Variants in EIF4G3 observed in about 807,000 individuals in gnomAD.
The protein encoded by EIF4G3 is eIF-4-gamma 3.
A neutral mutation model predicts 186.4 loss-of-function variants in EIF4G3; 34 were observed. That is an observed-to-expected ratio of 0.18 (90% CI 0.14 to 0.24). The LOEUF is 0.24. Among genes scored for constraint, EIF4G3 ranks in the 10% least tolerant of loss-of-function variants. The probability of loss-of-function intolerance (pLI) is 1.00; values close to 1 mark genes in which losing one functional copy is unlikely to be tolerated. For missense variants in EIF4G3, 1,536 were observed against 1,948.5 expected (o/e 0.79, Z 3.99); for synonymous variants, 673 against 679.5 (o/e 0.99, Z 0.15).
intron 14 of EIF4G3, among the ~76,000 whole-genome samples, chr1:20,918,063 T>C: frequency 6.6e-6 from 1 of 152,170 alleles, no homozygotes; most frequent in Non-Finnish European, 1.5e-5. Context: ...TAATGACAAA[T>C]GTGTCCACTT....
At chr1:21,076,702 C>T (rs1266062809) in intron 3 of EIF4G3, among the ~76,000 whole-genome samples, 4 of 152,028 alleles carry the variant, frequency 2.6e-5, no homozygotes, top group Non-Finnish European at 4.4e-5. Context: ...AGGACAGTCT[C>T]CTCAATCAAC....
intron 12 of EIF4G3, among the ~76,000 whole-genome samples, chr1:20,960,531 C>T (rs185064968): frequency 3.0e-4 from 46 of 152,094 alleles, no homozygotes; most frequent in African/African-American, 9.4e-4. Context: ...GCAGGATTAT[C>T]GCTTGAATTC....
At position 20,840,780 on chromosome 1, in the gene EIF4G3, A is replaced by G. The variant is rs878971306; in HGVS notation, c.4061+76T>C. On this transcript the variant is annotated intron_variant, in intron 30 of 36. Coordinates refer to ENST00000602326, the MANE Select transcript of EIF4G3 (RefSeq NM_001391906.1). The stretch of plus-strand genomic sequence containing the variant: ...TCTATGGAAAAAACTAAATACTTAA[A>G]GAGGTAAGTACTTTGAAAATTAACT... 3.0e-5 allele frequency: 40 copies of G among 1,345,914 alleles called. No homozygotes were observed. In the South Asian group the frequency reaches 5.2e-4, roughly 18 times the overall value. 83.4% of individuals were successfully genotyped at this position (1,345,914 alleles called of 1,614,324 possible).
At chr1:20,894,876 T>C (rs962693850) in intron 17 of EIF4G3, among the ~76,000 whole-genome samples, 11 of 152,156 alleles carry the variant, frequency 7.2e-5, no homozygotes, top group African/African-American at 2.4e-4. Context: ...TTGCACAAGA[T>C]TGGAGAATTC....
chr1:20,824,534 A>G (rs938917762), intron 33 of EIF4G3, among the ~76,000 whole-genome samples: 3 of 152,048 alleles, frequency 2.0e-5, no homozygotes, highest in Non-Finnish European at 4.4e-5. Flanking sequence ...GGTTACCTCA[A>G]CCTAACAGCC....
intron 33 of EIF4G3, among the ~76,000 whole-genome samples, chr1:20,823,105 C>G (rs1382781478): frequency 6.6e-6 from 1 of 151,962 alleles, no homozygotes; most frequent in Non-Finnish European, 1.5e-5. Flanking sequence ...AATCTTTCAT[C>G]TGTCTTTGGT....
chr1:21,007,531 A>AAC (rs1557470110), intron 4 of EIF4G3, among the ~76,000 whole-genome samples: 1 of 143,864 alleles, frequency 7.0e-6, no homozygotes, highest in Non-Finnish European at 1.5e-5. Flanking sequence ...AAAAAAAAAA[A>AAC]AAAAAACACA....
chr1:20,824,712 T>C (rs2063178460), intron 33 of EIF4G3, among the ~76,000 whole-genome samples: 1 of 152,174 alleles, frequency 6.6e-6, no homozygotes, highest in Admixed American at 6.5e-5. Context: ...TATAAGCTTG[T>C]CTCTAATCTT....
At chr1:20,844,075 A>G (rs1414976481) in intron 29 of EIF4G3, among the ~76,000 whole-genome samples, 1 of 152,136 alleles carries the variant, frequency 6.6e-6, no homozygotes, top group Non-Finnish European at 1.5e-5. Flanking sequence ...ATTTAGGTTG[A>G]TTGCATGTTT....
chr1:20,830,174 A>G (rs4654874), intron 30 of EIF4G3, among the ~76,000 whole-genome samples: 78,226 of 152,050 alleles, frequency 0.51, 21,008 homozygotes, highest in East Asian at 0.83. Context: ...GATCTCTACA[A>G]TTGTAAAACG....
At chr1:20,948,692 G>A (rs1188633299) in intron 13 of EIF4G3, among the ~76,000 whole-genome samples, 1 of 151,906 alleles carries the variant, frequency 6.6e-6, no homozygotes, top group Non-Finnish European at 1.5e-5. Context: ...TATTTTATGG[G>A]CCATTCCTAA....
intron 14 of EIF4G3, among the ~76,000 whole-genome samples, chr1:20,935,991 T>A (rs2095505619): frequency 1.3e-5 from 2 of 152,184 alleles, no homozygotes; most frequent in South Asian, 4.1e-4. Flanking sequence ...TAGAACTAAG[T>A]TAATACCCAA....
At chr1:20,847,151 A>G (rs1267497767) in intron 29 of EIF4G3, among the ~76,000 whole-genome samples, 1 of 152,138 alleles carries the variant, frequency 6.6e-6, no homozygotes. Flanking sequence ...ACATCTTTGC[A>G]CCTCAGTTTC....
intron 12 of EIF4G3, among the ~76,000 whole-genome samples, chr1:20,966,042 T>TATC (rs371763356): frequency 4.8e-4 from 73 of 152,332 alleles, no homozygotes; most frequent in Admixed American, 2.8e-3. Context: ...GGGTCTCTGG[T>TATC]ATCTGTGCTA....
At chr1:21,154,392 C>T (rs1247193061) in intron 2 of EIF4G3, among the ~76,000 whole-genome samples, 1 of 152,060 alleles carries the variant, frequency 6.6e-6, no homozygotes, top group Non-Finnish European at 1.5e-5. Flanking sequence ...AATCACTAAC[C>T]TTTTTTGTGA....
At chr1:21,119,973 A>C (rs2096898136) in intron 2 of EIF4G3, among the ~76,000 whole-genome samples, 1 of 151,954 alleles carries the variant, frequency 6.6e-6, no homozygotes, top group Non-Finnish European at 1.5e-5. Context: ...AGGTATAAAA[A>C]TAAAATTTCT....
intron 2 of EIF4G3, among the ~76,000 whole-genome samples, chr1:21,118,785 C>CAA (rs796933675): frequency 1.2e-4 from 10 of 86,288 alleles, no homozygotes; most frequent in Non-Finnish European, 1.4e-4. Context: ...GACTACATCT[C>CAA]AAAAAAAAAA....
rs1306246135 is a variant in EIF4G3, at chr1:20,810,291, A to G, written c.4744+447T>C. 4.6e-5 allele frequency among the ~76,000 whole-genome samples: 7 copies of G among 151,894 alleles called. No homozygotes were observed. The highest frequency in any genetic ancestry group is 3.3e-4 in the Admixed American group (5 of 15,250). ...TGCCTCAGCCTCCCAAGTAGCTGGG[A>G]TTACAGGTGCCCGCCACCACACCCA... On this transcript the variant is annotated intron_variant, in intron 36 of 36. Transcript: ENST00000602326. This position sits in a 1 kb window ranked among gnomAD's most constrained non-coding sequence, Gnocchi z 4.1.
chr1:21,062,516 T>C (rs980261382), intron 3 of EIF4G3, among the ~76,000 whole-genome samples: 4 of 152,234 alleles, frequency 2.6e-5, no homozygotes, highest in Non-Finnish European at 4.4e-5. Flanking sequence ...AGTCTCAGGA[T>C]TGATATGGAT....
Sources: allele counts gnomAD v4.1 joint callset (sites outside exome capture counted in the v4.1 genomes callset), GRCh38; gene constraint gnomAD v4.1.1; non-coding constraint Gnocchi (gnomAD v3.1); transcripts MANE v1.5; gene names NCBI Gene and HGNC (gene_info 2026-07-23, HGNC 2026-07-21).